F13A1: variants seen among roughly 807,000 people sequenced by gnomAD.
F13A1 encodes the protein coagulation factor XIII A chain.
In F13A1, 47 loss-of-function variants were observed where a neutral mutation model predicts 80.1. That is an observed-to-expected ratio of 0.59 (90% CI 0.46 to 0.75). The LOEUF is 0.75. Ranked by LOEUF, F13A1 falls within the 30% of genes least tolerant of loss-of-function variation. The pLI is 0.00. For missense variants in F13A1, 817 were observed against 930.4 expected (o/e 0.88, Z 1.59); for synonymous variants, 349 against 344.9 (o/e 1.01, Z -0.13).
At chr6:6,148,979 C>T (rs1760328873) in intron 14 of F13A1, among the ~76,000 whole-genome samples, 1 of 139,450 alleles carries the variant, frequency 7.2e-6, no homozygotes, top group Non-Finnish European at 1.5e-5. Context: ...TGATTTCACT[C>T]ACATGTAGAC....
At chr6:6,202,308 A>G (rs1482566069) in intron 8 of F13A1, among the ~76,000 whole-genome samples, 1 of 152,190 alleles carries the variant, frequency 6.6e-6, no homozygotes, top group Non-Finnish European at 1.5e-5. Flanking sequence ...CTAGATCCAT[A>G]AGAGTTTTTC....
intron 2 of F13A1, among the ~76,000 whole-genome samples, chr6:6,308,606 C>CTTTTTTTTTTTTT (rs770570204): frequency 1.1e-5 from 1 of 88,850 alleles, no homozygotes; most frequent in Non-Finnish European, 2.1e-5. Context: ...AAAACACATT[C>CTTTTTTTTTTTTT]TTTTTTTTTT....
intron 4 of F13A1, among the ~76,000 whole-genome samples, chr6:6,265,448 C>T (rs968248049): frequency 7.2e-5 from 11 of 152,088 alleles, no homozygotes; most frequent in African/African-American, 9.7e-5. Flanking sequence ...AAAACAGCTT[C>T]GTACAAAGTG....
chr6:6,216,576 AG>A (rs1757091641), intron 8 of F13A1, among the ~76,000 whole-genome samples: 1 of 149,876 alleles, frequency 6.7e-6, no homozygotes, highest in African/African-American at 2.5e-5. Context: ...TAAAAACCCT[AG>A]AAGAAAACCT....
At position 6,222,082 on chromosome 6, in the gene F13A1, G is replaced by A; in HGVS notation, c.1063C>T (p.Leu355=). ...NDANLQMDIF[L]EEDGNVNSKL... ...GAATTCACGTTCCCATCTTCTTCCA[G>A]GAAGATGTCCATTTGCAAATTGGCA... Residue 355 remains leucine, a synonymous_variant, in exon 8 of 15, where the codon CTG becomes TTG. Coordinates refer to ENST00000264870, the MANE Select transcript of F13A1 (RefSeq NM_000129.4). 6.2e-7 allele frequency: 1 copy of A among 1,613,960 alleles called. No individual in the cohort carries two copies. The highest frequency in any genetic ancestry group is 1.7e-5 in the Admixed American group (1 of 59,998).
intron 3 of F13A1, among the ~76,000 whole-genome samples, chr6:6,283,546 T>C (rs770323109): frequency 2.3e-4 from 35 of 152,200 alleles, no homozygotes; most frequent in Non-Finnish European, 3.4e-4. Context: ...AAACAGTTCT[T>C]TGTATGGTTT....
At chr6:6,174,475 G>T in intron 12 of F13A1, 105 bp downstream of exon 12, 5 of 1,245,190 alleles carry the variant, frequency 4.0e-6, no homozygotes, top group Non-Finnish European at 5.9e-6. Context: ...CTGAGATCTT[G>T]GAGGGAACTT....
chr6:6,256,629 G>A (rs1285023297), intron 4 of F13A1, among the ~76,000 whole-genome samples: 1 of 152,102 alleles, frequency 6.6e-6, no homozygotes, highest in Non-Finnish European at 1.5e-5. Flanking sequence ...AAAAGAGTGG[G>A]CCAAGAAAAT....
chr6:6,298,982 G>A (rs1177319049), intron 3 of F13A1, among the ~76,000 whole-genome samples: 4 of 147,904 alleles, frequency 2.7e-5, no homozygotes, highest in Admixed American at 6.7e-5. Flanking sequence ...TGTCTGTAAC[G>A]TATTTTATTT....
At chr6:6,247,846 A>T (rs906027993) in intron 6 of F13A1, among the ~76,000 whole-genome samples, 3 of 152,264 alleles carry the variant, frequency 2.0e-5, no homozygotes. Flanking sequence ...AAAGCCCTAC[A>T]GTGACACATC....
chr6:6,210,037 G>A (rs1040979835), intron 8 of F13A1, among the ~76,000 whole-genome samples: 32 of 151,550 alleles, frequency 2.1e-4, no homozygotes, highest in African/African-American at 7.3e-4. Context: ...AGCAGCCTGG[G>A]CAACATAGTG....
intron 6 of F13A1, among the ~76,000 whole-genome samples, chr6:6,236,581 T>C (rs1201785926): frequency 6.6e-6 from 1 of 152,164 alleles, no homozygotes. Flanking sequence ...TATTTCTTTC[T>C]GCTTTTTAAA....
chr6:6,173,129 C>T (rs960776814), intron 12 of F13A1, among the ~76,000 whole-genome samples: 1 of 152,208 alleles, frequency 6.6e-6, no homozygotes, highest in Non-Finnish European at 1.5e-5. Context: ...CAGTTTCTTC[C>T]AATGGACTTG....
intron 3 of F13A1, among the ~76,000 whole-genome samples, chr6:6,294,547 T>C (rs1292563611): frequency 6.7e-6 from 1 of 149,698 alleles, no homozygotes; most frequent in Non-Finnish European, 1.5e-5. Flanking sequence ...CACACATATA[T>C]ATATATACAC....
chr6:6,304,010 G>A (rs774714073), intron 3 of F13A1, among the ~76,000 whole-genome samples: 7 of 152,022 alleles, frequency 4.6e-5, no homozygotes, highest in Non-Finnish European at 1.0e-4. Context: ...CAAATATATA[G>A]TTTTACTTCT....
chr6:6,222,623 C>T (rs1757213127), intron 7 of F13A1, among the ~76,000 whole-genome samples: 1 of 152,162 alleles, frequency 6.6e-6, no homozygotes, highest in Non-Finnish European at 1.5e-5. Flanking sequence ...TGGGTGACAC[C>T]ACAGATTCAT....
intron 3 of F13A1, among the ~76,000 whole-genome samples, chr6:6,298,123 TA>T (rs1320135455): frequency 1.3e-5 from 2 of 148,794 alleles, no homozygotes; most frequent in Non-Finnish European, 3.0e-5. Flanking sequence ...TAGTTTGTTA[TA>T]ATTTCTGTTC....
chr6:6,264,823 A>G (rs1367561109), intron 4 of F13A1, among the ~76,000 whole-genome samples: 5 of 152,216 alleles, frequency 3.3e-5, no homozygotes, highest in East Asian at 3.8e-4. Flanking sequence ...TGAACTGCAC[A>G]TGGCCCAGTT....
rs1359132795 is a variant in F13A1 at position 6,209,557 on chromosome 6, A to G, written c.1113-12231T>C. Among the ~76,000 whole-genome samples the G allele has an allele frequency of 2.2e-4, 34 of 152,350 alleles. No homozygotes were observed. The East Asian group carries it at 2.9e-3, about 13-fold the overall frequency. The stretch of plus-strand genomic sequence containing the variant: ...CATAAAAACTTTTACCTGAATGTTC[A>G]TTACAACATTATTCATGAAAGCCAA... On this transcript the variant is annotated intron_variant, in intron 8 of 14. Coordinates refer to ENST00000264870, the MANE Select transcript of F13A1 (RefSeq NM_000129.4).
Sources: allele counts gnomAD v4.1 joint callset (sites outside exome capture counted in the v4.1 genomes callset), GRCh38; gene constraint gnomAD v4.1.1; transcripts MANE v1.5; gene names NCBI Gene and HGNC (gene_info 2026-07-23, HGNC 2026-07-21).